CHD6: variants seen among roughly 807,000 people sequenced by gnomAD.
CHD6 encodes the protein ATP-dependent chromatin remodeler CHD6.
A neutral mutation model predicts 276.9 loss-of-function variants in CHD6; 50 were observed. The ratio of observed to expected loss-of-function variants is 0.18; its 90% CI spans 0.14 to 0.23. The LOEUF (loss-of-function observed/expected upper bound fraction) is 0.23. Ranked by LOEUF, CHD6 falls within the 10% of genes least tolerant of loss-of-function variation. The probability of loss-of-function intolerance (pLI) is 1.00; values close to 1 mark genes in which losing one functional copy is unlikely to be tolerated. For synonymous variants in CHD6, 1,173 were observed against 1,229.3 expected (o/e 0.95, Z 0.96); for missense variants, 2,564 against 3,365.8 (o/e 0.76, Z 5.89).
chr20:41,612,121 A>G (rs73613232), intron 1 of CHD6, among the ~76,000 whole-genome samples: 3,385 of 152,344 alleles, frequency 0.022, 47 homozygotes, highest in South Asian at 0.041. Flanking sequence ...CTGTTTTTAT[A>G]ATTAGATTCA....
intron 3 of CHD6, among the ~76,000 whole-genome samples, chr20:41,515,310 T>C (rs941039932): frequency 6.6e-6 from 1 of 152,200 alleles, no homozygotes. Flanking sequence ...TTTAAGTTTC[T>C]TAGGAAGAGA....
At chr20:41,440,269 C>CTA in intron 25 of CHD6, 140 bp from the exon 26 acceptor site, 1 of 762,550 alleles carries the variant, frequency 1.3e-6, no homozygotes, top group Middle Eastern at 2.6e-4. Context: ...TAATGAGATC[C>CTA]TATAAGACTA....
chr20:41,587,942 G>A (rs1327085934), intron 1 of CHD6, among the ~76,000 whole-genome samples: 2 of 152,152 alleles, frequency 1.3e-5, no homozygotes, highest in African/African-American at 4.8e-5. Flanking sequence ...GAGAAGTCAT[G>A]AAATTCAGAG....
At position 41,538,305 on chromosome 20, in the gene CHD6, C is replaced by T. The variant is rs138700465; in HGVS notation, c.34-4735G>A. ...GGCGGAGGTTGCAGTGAGCTGAGAT[C>T]GCGCCACTGTACTCCAGCCTAGGTG... On this transcript the variant is annotated intron_variant, in intron 2 of 36. Transcript: ENST00000373233. Among the ~76,000 whole-genome samples, 635 of 152,040 alleles carry T rather than the reference C, an allele frequency of 4.2e-3. 4 individuals carry two copies. The highest frequency in any genetic ancestry group is 0.015 in the African/African-American group (602 of 41,466).
chr20:41,585,036 G>A (rs545077156), intron 1 of CHD6, among the ~76,000 whole-genome samples: 18 of 151,974 alleles, frequency 1.2e-4, no homozygotes, highest in African/African-American at 4.3e-4. Context: ...GAATGATCAA[G>A]TAAAAAAAGG....
intron 16 of CHD6, among the ~76,000 whole-genome samples, chr20:41,481,126 T>C (rs1019642882): frequency 6.6e-6 from 1 of 151,080 alleles, no homozygotes; most frequent in Non-Finnish European, 1.5e-5. Context: ...AAAAAATATA[T>C]ATATATATAC....
At chr20:41,585,917 G>A (rs1356432152) in intron 1 of CHD6, among the ~76,000 whole-genome samples, 1 of 152,210 alleles carries the variant, frequency 6.6e-6, no homozygotes, top group African/African-American at 2.4e-5. Context: ...CCTAAGCCTA[G>A]CTGGGAAGGG....
chr20:41,408,952 A>G (rs958946605), intron 36 of CHD6, among the ~76,000 whole-genome samples: 4 of 152,232 alleles, frequency 2.6e-5, no homozygotes, highest in Non-Finnish European at 5.9e-5. Context: ...AAGTGCAAGT[A>G]GCACTCTCAG....
At chr20:41,419,491 G>A (rs2047109932) in intron 31 of CHD6, among the ~76,000 whole-genome samples, 1 of 134,328 alleles carries the variant, frequency 7.4e-6, no homozygotes, top group South Asian at 2.5e-4. Flanking sequence ...GGAGGCACAG[G>A]TTGCAGTGAG....
In CHD6 at chr20:41,467,561, GAAAAAAAAAAAA is replaced by G. The variant is rs11472253; in HGVS notation, c.2664+5749_2664+5760del. 9.7e-3 allele frequency among the ~76,000 whole-genome samples: 380 copies of G among 39,200 alleles called. 12 individuals carry two copies. The highest frequency in any genetic ancestry group is 0.036 in the African/African-American group (365 of 10,258). 25.7% of individuals were successfully genotyped at this position (39,200 alleles called of 152,430 possible). On this transcript the variant is annotated intron_variant, in intron 17 of 36. Transcript: ENST00000373233. ...AAATGAATAACGACGTTCTGACAAT[GAAAAAAAAAAAA>G]AAAAAAAAAAAAAGGCTGGGTGTTG...
chr20:41,568,803 T>C (rs1218143280), intron 1 of CHD6, among the ~76,000 whole-genome samples: 3 of 152,198 alleles, frequency 2.0e-5, no homozygotes, highest in Admixed American at 6.5e-5. Context: ...CAAATTACCT[T>C]TGCAAACCAA....
intron 35 of CHD6, 124 bp from the exon 36 acceptor site, chr20:41,412,387 A>G: frequency 9.1e-7 from 1 of 1,102,536 alleles, no homozygotes; most frequent in South Asian, 1.5e-5. Context: ...GGAGCTGGCC[A>G]GGTTAAACTA....
intron 5 of CHD6, among the ~76,000 whole-genome samples, chr20:41,508,739 C>T (rs1395729313): frequency 6.6e-6 from 1 of 152,010 alleles, no homozygotes; most frequent in Non-Finnish European, 1.5e-5. Flanking sequence ...GAAGCTACGG[C>T]AATGTCAAAT....
At chr20:41,435,603 C>CAAAAAAAA (rs34895530) in intron 27 of CHD6, among the ~76,000 whole-genome samples, 1 of 110,190 alleles carries the variant, frequency 9.1e-6, no homozygotes, top group Non-Finnish European at 2.0e-5. Flanking sequence ...GACCCTGAGT[C>CAAAAAAAA]AAAAAAAAAA....
rs374965061 is a variant in CHD6 at position 41,413,338 on chromosome 20, G to A, written c.7117C>T (p.Pro2373Ser). 6.2e-7 allele frequency: 1 copy of A among 1,603,068 alleles called. No individual in the cohort carries two copies. The highest frequency in any genetic ancestry group is 8.5e-7 in the Non-Finnish European group (1 of 1,174,720). ...RQQADYSLEV[P>S]GFGANFSDKP... ...CAAACACTTACTGCCCCAAAGCCAGGAACTTCTAAGGAGTAGTCAGCCTGC... is the reference window on the plus strand; with the variant it reads ...CAAACACTTACTGCCCCAAAGCCAGAAACTTCTAAGGAGTAGTCAGCCTGC... Residue 2373 changes from proline to serine, a missense_variant, in exon 35 of 37, where the codon CCT (proline) becomes TCT (serine). Transcript: ENST00000373233.
At chr20:41,545,505 G>C (rs2045023075) in intron 2 of CHD6, among the ~76,000 whole-genome samples, 1 of 152,056 alleles carries the variant, frequency 6.6e-6, no homozygotes. Context: ...TATTGGCCCA[G>C]ATGATCTTCA....
chr20:41,494,042 A>C, intron 8 of CHD6, 98 bp from the exon 9 acceptor site: 1 of 750,690 alleles, frequency 1.3e-6, no homozygotes, highest in Non-Finnish European at 2.2e-6. Context: ...TCTAGGCCCT[A>C]TCAACAAACA....
intron 1 of CHD6, among the ~76,000 whole-genome samples, chr20:41,553,982 T>C (rs1399338307): frequency 6.6e-6 from 1 of 152,206 alleles, no homozygotes; most frequent in African/African-American, 2.4e-5. Context: ...AAAACTTGTC[T>C]CTATAGAAAA....
rs772902555 is a variant in CHD6 at position 41,417,329 on chromosome 20, C to G, written c.6148G>C (p.Glu2050Gln). 1 of 1,613,936 alleles carries G rather than the reference C, an allele frequency of 6.2e-7. No homozygotes were observed. The highest frequency in any genetic ancestry group is 2.2e-5 in the East Asian group (1 of 44,884). Residue 2050 changes from glutamate to glutamine, a missense_variant, in exon 32 of 37, where the codon GAA becomes CAA. Transcript: ENST00000373233. ...GATGTTGAGCTCTTGCTCTCCTCTT[C>G]AGAGTACTTCCCTGGATAATCTGGG... ...HSQDYPGKYSEEESKSSTSGI... is the reference protein window; with the variant it reads ...HSQDYPGKYSQEESKSSTSGI...
Sources: gnomAD v4.1 joint callset for allele counts (sites outside exome capture counted in the v4.1 genomes callset) on GRCh38, gnomAD v4.1.1 for gene constraint, MANE v1.5 for transcripts, NCBI Gene and HGNC (gene_info 2026-07-23, HGNC 2026-07-21) for gene names.